The following KLRK1 variants were observed in gnomAD, a reference collection of about 807,000 sequenced individuals.
The protein encoded by KLRK1 is NKG2-D type II integral membrane protein.
KLRK1 carries 40 observed loss-of-function variants against 31.3 expected under a neutral mutation model. That is an observed-to-expected ratio of 1.28 (90% CI 0.99 to 1.67). The LOEUF is 1.67. KLRK1 is among the 40% of genes most tolerant of loss of function. The probability of loss-of-function intolerance (pLI) is 0.00; values close to 1 mark genes in which losing one functional copy is unlikely to be tolerated. For synonymous variants in KLRK1, 77 were observed against 77.3 expected (o/e 1.00, Z 0.02); for missense variants, 251 against 260.0 (o/e 0.97, Z 0.24).
At chr12:10,373,330 A>T in intron 7 of KLRK1, 99 bp from the exon 8 acceptor site, 1 of 993,994 alleles carries the variant, frequency 1.0e-6, no homozygotes. Context: ...GGAACTTAAT[A>T]CCATTTTAGG....
intron 3 of KLRK1, among the ~76,000 whole-genome samples, chr12:10,382,430 A>G (rs918760926): frequency 6.6e-6 from 1 of 152,186 alleles, no homozygotes; most frequent in African/African-American, 2.4e-5. Flanking sequence ...GCCAAGAGGA[A>G]GTGGGGTGAC....
At chr12:10,378,793 C>A in intron 5 of KLRK1, 88 bp from the exon 6 acceptor site, 2 of 1,398,984 alleles carry the variant, frequency 1.4e-6, no homozygotes, top group Admixed American at 2.4e-5. Flanking sequence ...TTTTTCACTC[C>A]AACTCTAAAA....
Sources: gnomAD v4.1 joint callset for allele counts (sites outside exome capture counted in the v4.1 genomes callset) on GRCh38, gnomAD v4.1.1 for gene constraint, MANE v1.5 for transcripts, NCBI Gene and HGNC (gene_info 2026-07-23, HGNC 2026-07-21) for gene names.